Variants in DNAI7 observed in about 807,000 individuals in gnomAD.
DNAI7 encodes the protein cancer susceptibility 1.
DNAI7 carries 78 observed loss-of-function variants against 86.6 expected under a neutral mutation model. The ratio of observed to expected loss-of-function variants is 0.90; its 90% confidence interval spans 0.75 to 1.09. The LOEUF is 1.09. Among genes scored for constraint, DNAI7 ranks in the 50% least tolerant of loss-of-function variants. The pLI is 0.00. For missense variants in DNAI7, 753 were observed against 810.2 expected, an observed-to-expected ratio of 0.93 and a Z score of 0.86; for synonymous variants, 274 against 273.0, an observed-to-expected ratio of 1.00 and a Z score of -0.04.
chr12:25,163,334 G>A (rs980146918), intron 2 of DNAI7, among the ~76,000 whole-genome samples: 29 of 152,112 alleles, frequency 1.9e-4, no homozygotes, highest in African/African-American at 6.5e-4. Flanking sequence ...AAAATGGCCT[G>A]TTCCTGCCTT....
rs1483034971 is a variant in DNAI7 at position 25,144,659 on chromosome 12, G to T, written c.708C>A (p.Phe236Leu). ...KKNPRHRSVR[F>L]SETQIGFEIP... The stretch of plus-strand genomic sequence containing the variant: ...TCTCAAATCCAATTTGTGTTTCAGA[G>T]AATCTAACACTTCTGTGCCTGTTAA... Residue 236 changes from phenylalanine to leucine, a missense_variant, in exon 9 of 16, where the codon TTC becomes TTA. Physicochemically the swap from Phe to Leu is conservative, Grantham distance 22. Coordinates refer to ENST00000395987, the MANE Select transcript of DNAI7 (RefSeq NM_018272.5). The T allele has an allele frequency of 5.6e-6, 9 of 1,613,240 alleles. No individual in the cohort carries two copies. Among genetic ancestry groups the T allele is most frequent in the African/African-American group, 4.0e-5 (3 of 74,896 alleles).
intron 9 of DNAI7, among the ~76,000 whole-genome samples, chr12:25,127,240 C>G (rs1393205671): frequency 6.6e-6 from 1 of 152,146 alleles, no homozygotes; most frequent in Non-Finnish European, 1.5e-5. Context: ...CGCACAAAAA[C>G]TTCAAATCTC....
At chr12:25,187,987 G>C (rs746535754) in intron 2 of DNAI7, among the ~76,000 whole-genome samples, 4 of 152,252 alleles carry the variant, frequency 2.6e-5, no homozygotes, top group African/African-American at 4.8e-5. Flanking sequence ...ACCACAAGCC[G>C]GTTCATGTGG....
Position 25,144,496 on chromosome 12 carries a change from C to T in DNAI7, c.871G>A (p.Val291Ile). ...CTGATTGCTTTTTCTACATTCTTAA[C>T]ATCATCTTTGACAAGCTCAGTTACT... The part of the protein sequence containing the change: ...SAVTELVKDD[V>I]KNVEKAISKE... Residue 291 changes from valine to isoleucine, a missense_variant, in exon 9 of 16, where the codon GTT becomes ATT. Physicochemically the swap from Val to Ile is conservative, Grantham distance 29. Transcript: ENST00000395987. The T allele has an allele frequency of 6.2e-7, 1 of 1,614,090 alleles. No individual in the cohort carries two copies. Among genetic ancestry groups the T allele is most frequent in the Non-Finnish European group, 8.5e-7 (1 of 1,180,002 alleles).
chr12:25,169,742 G>C (rs1947912178), intron 2 of DNAI7, among the ~76,000 whole-genome samples: 1 of 151,810 alleles, frequency 6.6e-6, no homozygotes, highest in African/African-American at 2.4e-5. Flanking sequence ...CAGCAACTTG[G>C]GAGGGTGAGG....
At chr12:25,150,099 T>C (rs1945316483) in intron 6 of DNAI7, among the ~76,000 whole-genome samples, 1 of 152,204 alleles carries the variant, frequency 6.6e-6, no homozygotes, top group South Asian at 2.1e-4. Flanking sequence ...CAATGATCAC[T>C]TAGCAAATCA....
intron 3 of DNAI7, 76 bp downstream of exon 3, chr12:25,161,037 T>C (rs1482313103): frequency 2.9e-6 from 3 of 1,031,702 alleles, no homozygotes; most frequent in East Asian, 2.4e-5. Context: ...TGAAAAAATA[T>C]TGACTTTACT....
chr12:25,191,693 A>T (rs1289933037), intron 1 of DNAI7, among the ~76,000 whole-genome samples: 1 of 152,186 alleles, frequency 6.6e-6, no homozygotes, highest in East Asian at 1.9e-4. Context: ...ACAGAGCAAG[A>T]CTCAAAAAAT....
chr12:25,107,738 T>C (rs1266063359), downstream of DNAI7: 3 of 1,391,180 alleles, frequency 2.2e-6, no homozygotes, highest in Non-Finnish European at 3.0e-6. Context: ...GCAGATCACC[T>C]GACTGGTGGT....
chr12:25,108,293 G>A lies in DNAI7; in HGVS notation c.*255C>T. 1 of 545,074 alleles carries A rather than the reference G, an allele frequency of 1.8e-6. No homozygotes were observed. The highest frequency in any genetic ancestry group is 3.5e-5 in the Admixed American group (1 of 28,320). 33.8% of individuals were successfully genotyped at this position (545,074 alleles called of 1,614,324 possible). A position where few individuals can be genotyped will look rare whatever the true frequency, so the allele number is the denominator to read the frequency against. ...TTTTAAGGAAGAAATATTATATATT[G>A]TTTGTTAAAGTTTATTGAAATAAAG... On this transcript the variant is annotated 3_prime_UTR_variant, in exon 16 of 16. Coordinates refer to ENST00000395987, the MANE Select transcript of DNAI7 (RefSeq NM_018272.5).
intron 2 of DNAI7, among the ~76,000 whole-genome samples, chr12:25,180,520 G>A (rs1161744488): frequency 1.3e-5 from 2 of 152,176 alleles, no homozygotes; most frequent in South Asian, 2.1e-4. Flanking sequence ...GAGCCATCAC[G>A]TTACCAAACT....
intron 9 of DNAI7, among the ~76,000 whole-genome samples, chr12:25,127,251 A>G (rs1172017133): frequency 6.6e-6 from 1 of 152,144 alleles, no homozygotes; most frequent in Non-Finnish European, 1.5e-5. Flanking sequence ...TTCAAATCTC[A>G]TTTGCTGACA....
At position 25,113,439 on chromosome 12, in the gene DNAI7, C is replaced by T. The variant is rs1203662034; in HGVS notation, c.1611+1217G>A. On this transcript the variant is annotated intron_variant, in intron 13 of 15. Coordinates refer to ENST00000395987, the MANE Select transcript of DNAI7 (RefSeq NM_018272.5). The stretch of plus-strand genomic sequence containing the variant: ...GCCTCGGCCTCCTGAGTAGCTAAGA[C>T]TACAGGCGTGTGCCACCATGCCTGG... Among the ~76,000 whole-genome samples, 4 of 151,898 alleles carry T rather than the reference C, an allele frequency of 2.6e-5. No homozygotes were observed. The East Asian group carries it at 7.7e-4, about 29-fold the overall frequency.
rs755796035 is a variant in DNAI7 at position 25,111,908 on chromosome 12, A to G, written c.1643T>C (p.Leu548Pro). The G allele has an allele frequency of 2.5e-6, 4 of 1,599,934 alleles. No individual in the cohort carries two copies. The highest frequency in any genetic ancestry group is 3.4e-6 in the Non-Finnish European group (4 of 1,174,470). Residue 548 changes from leucine (L) to proline (P), a missense_variant, in exon 14 of 16, where the codon CTA (leucine) becomes CCA (proline). Physicochemically the swap from Leu to Pro is moderately conservative, Grantham distance 98 (BLOSUM62 -3). Transcript: ENST00000395987. ...AATAGAGATGTGTTTCTTGTCTTTT[A>G]GTTTGATTGAAGATAACATGCAGAG... is the stretch of plus-strand genomic sequence containing the variant. ...ENLCMLSSIK[L>P]KDKKHISILE...
intron 13 of DNAI7, 147 bp from the exon 14 acceptor site, chr12:25,112,086 A>C: frequency 2.3e-6 from 1 of 434,944 alleles, no homozygotes; most frequent in Non-Finnish European, 4.0e-6. Flanking sequence ...GTATATCTTA[A>C]GCCTCATCTG....
intron 14 of DNAI7, among the ~76,000 whole-genome samples, chr12:25,111,540 T>C (rs924143832): frequency 3.9e-5 from 6 of 152,216 alleles, no homozygotes; most frequent in Admixed American, 2.6e-4. Context: ...TGCACTAAAC[T>C]GACCGTCTGT....
At chr12:25,114,053 CT>C (rs1462117016) in intron 13 of DNAI7, among the ~76,000 whole-genome samples, 1 of 143,486 alleles carries the variant, frequency 7.0e-6, no homozygotes, top group Non-Finnish European at 1.5e-5. Context: ...TCAAGCGATT[CT>C]TTTGCCTCAG....
rs575584467 is a variant in DNAI7, at chr12:25,171,452, A to G, written c.22-10255T>C. Reference sequence around the variant, plus strand: ...AATTAGATCTCCAAACAGACCAATAACAAGCAATGAGATTGAAATGGTAAT... The same window carrying G: ...AATTAGATCTCCAAACAGACCAATAGCAAGCAATGAGATTGAAATGGTAAT... On this transcript the variant is annotated intron_variant, in intron 2 of 15. Coordinates refer to ENST00000395987, the MANE Select transcript of DNAI7 (RefSeq NM_018272.5). Among the ~76,000 whole-genome samples the G allele has an allele frequency of 2.6e-5, 4 of 152,306 alleles. 1 individual carries two copies. In the South Asian group the frequency reaches 8.3e-4, roughly 32 times the overall value.
At chr12:25,178,363 G>T (rs1215271456) in intron 2 of DNAI7, among the ~76,000 whole-genome samples, 1 of 151,986 alleles carries the variant, frequency 6.6e-6, no homozygotes, top group Non-Finnish European at 1.5e-5. Flanking sequence ...ATTCATCTAA[G>T]TTTTCTAATA....
Sources: allele counts gnomAD v4.1 joint callset (sites outside exome capture counted in the v4.1 genomes callset), GRCh38; gene constraint gnomAD v4.1.1; transcripts MANE v1.5; gene names NCBI Gene and HGNC (gene_info 2026-07-23, HGNC 2026-07-21).